CPXM2: variants seen among roughly 807,000 people sequenced by gnomAD.
CPXM2 encodes the protein carboxypeptidase X, M14 family member 2.
In CPXM2, 66 loss-of-function variants were observed where a neutral mutation model predicts 86.1. That is an observed-to-expected ratio of 0.77 (90% confidence interval 0.63 to 0.94). The LOEUF (loss-of-function observed/expected upper bound fraction) is 0.94. Ranked by LOEUF, CPXM2 falls within the 40% of genes least tolerant of loss-of-function variation. CPXM2 has a pLI of 0.00. For synonymous variants in CPXM2, 388 were observed against 400.2 expected, an observed-to-expected ratio of 0.97 and a Z score of 0.36; for missense variants, 948 against 1,026.3, an observed-to-expected ratio of 0.92 and a Z score of 1.04.
chr10:123,810,082 C>A (rs949361077), intron 4 of CPXM2, among the ~76,000 whole-genome samples: 4 of 151,680 alleles, frequency 2.6e-5, no homozygotes, highest in Admixed American at 6.6e-5. Context: ...TAAAAGAAAA[C>A]TAAGGTAGCT....
intron 3 of CPXM2, among the ~76,000 whole-genome samples, chr10:123,850,919 T>C (rs1197867990): frequency 2.0e-5 from 3 of 152,214 alleles, no homozygotes; most frequent in Non-Finnish European, 2.9e-5. Flanking sequence ...CAGACTATTA[T>C]ACTGCCAAAC....
upstream of CPXM2, among the ~76,000 whole-genome samples, chr10:123,940,452 A>G (rs1945764446): frequency 6.6e-6 from 1 of 152,186 alleles, no homozygotes; most frequent in East Asian, 1.9e-4. Flanking sequence ...GATCCACCCC[A>G]GAACCCACCT....
chr10:123,892,800 G>C (rs1254389580), upstream of CPXM2, among the ~76,000 whole-genome samples: 1 of 152,212 alleles, frequency 6.6e-6, no homozygotes, highest in Non-Finnish European at 1.5e-5. Flanking sequence ...CTGACGTGCA[G>C]TTCACTCGCT....
chr10:123,916,333 C>T (rs1227208324), intron 2 of CPXM2, among the ~76,000 whole-genome samples: 1 of 152,144 alleles, frequency 6.6e-6, no homozygotes, highest in African/African-American at 2.4e-5. Flanking sequence ...CCACTCTGCG[C>T]TGATGAATGA....
chr10:123,800,823 G>T (rs748958695), intron 4 of CPXM2, among the ~76,000 whole-genome samples: 3 of 152,148 alleles, frequency 2.0e-5, no homozygotes, highest in Non-Finnish European at 4.4e-5. Context: ...ACTTATGTTT[G>T]AATCGTAATT....
intron 6 of CPXM2, among the ~76,000 whole-genome samples, chr10:123,783,108 G>A (rs1306320297): frequency 1.3e-5 from 2 of 152,214 alleles, no homozygotes; most frequent in African/African-American, 4.8e-5. Context: ...CCTCAGTTCC[G>A]GGAATTGCCC....
At chr10:123,859,836 G>T (rs969093783) in intron 3 of CPXM2, among the ~76,000 whole-genome samples, 5 of 152,304 alleles carry the variant, frequency 3.3e-5, no homozygotes, top group Admixed American at 2.0e-4. Context: ...GGCCTCTCAC[G>T]GGTGAAAGAC....
At chr10:123,799,385 A>G (rs1489733300) in intron 4 of CPXM2, among the ~76,000 whole-genome samples, 186 bp from the exon 5 acceptor site, 1 of 152,234 alleles carries the variant, frequency 6.6e-6, no homozygotes, top group Non-Finnish European at 1.5e-5. Context: ...GCCACTATAT[A>G]TTCATCCATA....
chr10:123,753,482 C>T (rs1195985719), intron 13 of CPXM2, among the ~76,000 whole-genome samples: 2 of 152,224 alleles, frequency 1.3e-5, no homozygotes, highest in East Asian at 1.9e-4. Context: ...CCACTAACCC[C>T]TTAACCATCA....
intron 4 of CPXM2, among the ~76,000 whole-genome samples, chr10:123,829,675 C>T (rs1050437776): frequency 6.6e-6 from 1 of 152,030 alleles, no homozygotes; most frequent in African/African-American, 2.4e-5. Flanking sequence ...TTATTGAAAA[C>T]TTTGTATGAA....
chr10:123,843,860 T>C (rs1412084800), intron 3 of CPXM2, among the ~76,000 whole-genome samples: 1 of 152,174 alleles, frequency 6.6e-6, no homozygotes, highest in African/African-American at 2.4e-5. Context: ...GCCTGAGACA[T>C]GTACCCTATA....
chr10:123,848,918 T>C (rs1848547389), intron 3 of CPXM2, among the ~76,000 whole-genome samples: 2 of 152,226 alleles, frequency 1.3e-5, no homozygotes, highest in Non-Finnish European at 2.9e-5. Context: ...GTATTTTGTA[T>C]GGTGCCTGGC....
intron 4 of CPXM2, among the ~76,000 whole-genome samples, chr10:123,815,827 T>C (rs951819628): frequency 1.1e-4 from 16 of 152,254 alleles, no homozygotes; most frequent in African/African-American, 2.6e-4. Flanking sequence ...CTAATTTATA[T>C]ACACAGAAAT....
intron 2 of CPXM2, among the ~76,000 whole-genome samples, chr10:123,903,509 T>C (rs1945403303): frequency 6.6e-6 from 1 of 152,250 alleles, no homozygotes; most frequent in Admixed American, 6.5e-5. Flanking sequence ...CCTGGCCTCC[T>C]GGCTCAGCTG....
At chr10:123,857,753 T>C (rs1034261229) in intron 3 of CPXM2, among the ~76,000 whole-genome samples, 11 of 152,188 alleles carry the variant, frequency 7.2e-5, no homozygotes, top group South Asian at 2.1e-4. Flanking sequence ...CAGGCCCCAC[T>C]GACGCCGAGG....
chr10:123,874,401 C>T (rs78868845), intron 2 of CPXM2, among the ~76,000 whole-genome samples: 6,098 of 151,678 alleles, frequency 0.04, 167 homozygotes, highest in East Asian at 0.11. Flanking sequence ...CACACAAAGG[C>T]CCTACCCCCA....
intron 2 of CPXM2, among the ~76,000 whole-genome samples, chr10:123,918,648 A>G (rs1367637935): frequency 6.6e-6 from 1 of 152,200 alleles, no homozygotes; most frequent in Non-Finnish European, 1.5e-5. Flanking sequence ...GCTTGGGGCT[A>G]AATCCGCATT....
upstream of CPXM2, among the ~76,000 whole-genome samples, chr10:123,943,590 T>G (rs1167818666): frequency 6.6e-6 from 1 of 152,184 alleles, no homozygotes; most frequent in African/African-American, 2.4e-5. Flanking sequence ...GCCCCTGAAG[T>G]GCAGAGCAAT....
At chr10:123,835,177 G>T (rs745491380) in intron 4 of CPXM2, among the ~76,000 whole-genome samples, 5 of 152,182 alleles carry the variant, frequency 3.3e-5, no homozygotes, top group African/African-American at 1.2e-4. Flanking sequence ...CAGCAAGGGG[G>T]CCTCCCCATG....
Sources: allele counts gnomAD v4.1 joint callset (sites outside exome capture counted in the v4.1 genomes callset), GRCh38; gene constraint gnomAD v4.1.1; transcripts MANE v1.5; gene names NCBI Gene and HGNC (gene_info 2026-07-23, HGNC 2026-07-21).